Variants in ARHGEF26 observed in about 807,000 individuals in gnomAD.
The protein encoded by ARHGEF26 is Rho guanine nucleotide exchange factor (GEF) 26.
In ARHGEF26, 59 loss-of-function variants were observed where a neutral mutation model predicts 89.4. The ratio of observed to expected loss-of-function variants is 0.66; its 90% CI spans 0.54 to 0.82. The LOEUF is 0.82. ARHGEF26 is among the 40% of genes least tolerant of loss of function. The probability of loss-of-function intolerance (pLI) is 0.00; values close to 1 mark genes in which losing one functional copy is unlikely to be tolerated. For missense variants in ARHGEF26, 1,234 were observed against 1,085.6 expected (o/e 1.14, Z -1.92); for synonymous variants, 500 against 428.4 (o/e 1.17, Z -2.06).
At chr3:154,250,381 AAG>A (rs1718062290) in intron 12 of ARHGEF26, among the ~76,000 whole-genome samples, 1 of 149,616 alleles carries the variant, frequency 6.7e-6, no homozygotes, top group Non-Finnish European at 1.5e-5. Context: ...GACAGCATCT[AAG>A]AGGGGGGGGT....
chr3:154,125,303 A>G (rs1718263417), intron 3 of ARHGEF26, among the ~76,000 whole-genome samples: 1 of 152,228 alleles, frequency 6.6e-6, no homozygotes, highest in Non-Finnish European at 1.5e-5. Context: ...TAATTTTTAT[A>G]AAGATGAGTT....
In ARHGEF26 at chr3:154,255,780, A is replaced by G; in HGVS notation, c.*307A>G. ...CCTAGTTTCACCATGTTCTGGCAATAAAAAACACATATTATATCCTGGTTT... is the reference window on the plus strand; with the variant it reads ...CCTAGTTTCACCATGTTCTGGCAATGAAAAACACATATTATATCCTGGTTT... On this transcript the variant is annotated 3_prime_UTR_variant, in exon 15 of 15. Coordinates refer to ENST00000465093, the MANE Select transcript of ARHGEF26 (RefSeq NM_015595.4). 8.7e-7 allele frequency: 1 copy of G among 1,148,702 alleles called. No individual in the cohort carries two copies. Among genetic ancestry groups the G allele is most frequent in the Middle Eastern group, 3.8e-4 (1 of 2,662 alleles). The allele number at this position is 1,148,702 out of a possible 1,614,324, so 71.2% of individuals were successfully genotyped here. A position where few individuals can be genotyped will look rare whatever the true frequency, so the allele number is the denominator to read the frequency against.
intron 12 of ARHGEF26, among the ~76,000 whole-genome samples, chr3:154,250,409 G>T (rs1308946448): frequency 6.6e-6 from 1 of 152,044 alleles, no homozygotes; most frequent in Non-Finnish European, 1.5e-5. Context: ...TCACTCAATT[G>T]AAAGTCTCAA....
chr3:154,123,186 C>T (rs1718107337), intron 2 of ARHGEF26, 111 bp downstream of exon 2: 1 of 1,454,006 alleles, frequency 6.9e-7, no homozygotes, highest in Non-Finnish European at 9.2e-7. Context: ...CGTTTTAATT[C>T]TGTGTTTTGC....
At chr3:154,136,706 T>A (rs772951512) in intron 4 of ARHGEF26, among the ~76,000 whole-genome samples, 1 of 152,244 alleles carries the variant, frequency 6.6e-6, no homozygotes, top group Non-Finnish European at 1.5e-5. Flanking sequence ...TTAAACTTAT[T>A]CTTTTCCCTA....
intron 4 of ARHGEF26, among the ~76,000 whole-genome samples, chr3:154,135,971 A>G (rs1342433063): frequency 6.6e-6 from 1 of 152,214 alleles, no homozygotes; most frequent in Non-Finnish European, 1.5e-5. Context: ...CATATTTGCC[A>G]GCTGTGCCCT....
chr3:154,150,844 A>G (rs994866586), intron 5 of ARHGEF26, among the ~76,000 whole-genome samples: 7 of 152,188 alleles, frequency 4.6e-5, no homozygotes, highest in African/African-American at 9.6e-5. Flanking sequence ...CTATATAGCA[A>G]TTCCTACCTG....
intron 9 of ARHGEF26, among the ~76,000 whole-genome samples, chr3:154,216,333 T>C (rs1390501720): frequency 6.6e-6 from 1 of 152,014 alleles, no homozygotes; most frequent in African/African-American, 2.4e-5. Context: ...ATTAAACGAC[T>C]GTGAAAGTCC....
chr3:154,183,887 A>G (rs965965843), intron 6 of ARHGEF26, among the ~76,000 whole-genome samples: 26 of 152,202 alleles, frequency 1.7e-4, no homozygotes, highest in African/African-American at 6.3e-4. Flanking sequence ...AGTGTAAGCT[A>G]AAGACAAATT....
At chr3:154,254,671 T>A in intron 13 of ARHGEF26, 49 bp from the exon 14 acceptor site, 1 of 1,440,226 alleles carries the variant, frequency 6.9e-7, no homozygotes, top group Non-Finnish European at 9.8e-7. Flanking sequence ...GGATTGCACA[T>A]GTTTTTTCTC....
intron 12 of ARHGEF26, among the ~76,000 whole-genome samples, chr3:154,248,306 A>C (rs1393772516): frequency 6.6e-6 from 1 of 152,170 alleles, no homozygotes; most frequent in East Asian, 1.9e-4. Context: ...GGGCCTCCTG[A>C]TAAAGGGGCA....
chr3:154,253,420 A>C (rs548889133), intron 13 of ARHGEF26, among the ~76,000 whole-genome samples: 5 of 152,340 alleles, frequency 3.3e-5, no homozygotes, highest in African/African-American at 1.2e-4. Context: ...TTAGCATTGC[A>C]GAGCCTATTT....
At chr3:154,216,897 G>T (rs1715793033) in intron 9 of ARHGEF26, among the ~76,000 whole-genome samples, 1 of 71,298 alleles carries the variant, frequency 1.4e-5, no homozygotes, top group Admixed American at 1.7e-4. Context: ...GTATTCCATG[G>T]TGTATATGTG....
At chr3:154,232,839 TTTC>T (rs1296412900) in intron 11 of ARHGEF26, among the ~76,000 whole-genome samples, 23 of 151,630 alleles carry the variant, frequency 1.5e-4, no homozygotes, top group African/African-American at 5.3e-4. Context: ...GGTTTCTTTC[TTTC>T]TTTTTTTTTT....
intron 9 of ARHGEF26, among the ~76,000 whole-genome samples, chr3:154,217,256 G>C (rs1204409755): frequency 6.6e-6 from 1 of 150,726 alleles, no homozygotes; most frequent in East Asian, 2.0e-4. Context: ...ATCTCATTGT[G>C]GTTTTGATTT....
chr3:154,217,500 A>G (rs987369763), intron 9 of ARHGEF26, among the ~76,000 whole-genome samples: 1 of 151,938 alleles, frequency 6.6e-6, no homozygotes, highest in South Asian at 2.1e-4. Flanking sequence ...GTTCACACTG[A>G]TGGTAGTTTC....
intron 4 of ARHGEF26, among the ~76,000 whole-genome samples, chr3:154,147,201 TC>T (rs1719753923): frequency 1.3e-5 from 2 of 152,258 alleles, no homozygotes; most frequent in South Asian, 4.1e-4. Flanking sequence ...GGTCAGGAGT[TC>T]CAGACCAGCC....
chr3:154,176,429 G>A (rs931956712), intron 6 of ARHGEF26, among the ~76,000 whole-genome samples: 10 of 152,266 alleles, frequency 6.6e-5, no homozygotes, highest in African/African-American at 2.4e-4. Context: ...ACTAGAAAAT[G>A]ACAAACTCCC....
At chr3:154,249,948 G>A (rs187028378) in intron 12 of ARHGEF26, among the ~76,000 whole-genome samples, 14 of 152,236 alleles carry the variant, frequency 9.2e-5, no homozygotes, top group Non-Finnish European at 2.1e-4. Context: ...GGTTTTTCCT[G>A]TCCCTAGAAT....
Sources: allele counts gnomAD v4.1 joint callset (sites outside exome capture counted in the v4.1 genomes callset), GRCh38; gene constraint gnomAD v4.1.1; transcripts MANE v1.5; gene names NCBI Gene and HGNC (gene_info 2026-07-23, HGNC 2026-07-21).